The following DTNB variants were observed in gnomAD, a reference collection of about 807,000 sequenced individuals.
DTNB encodes the protein dystrobrevin beta.
In DTNB, 63 loss-of-function variants were observed where a neutral mutation model predicts 90.7. That is an observed-to-expected ratio of 0.69 (90% confidence interval 0.57 to 0.86). The LOEUF is 0.86. Among genes scored for constraint, DTNB ranks in the 40% least tolerant of loss-of-function variants. DTNB has a pLI of 0.00. For missense variants in DTNB, 744 were observed against 807.1 expected (o/e 0.92, Z 0.95); for synonymous variants, 277 against 286.7 (o/e 0.97, Z 0.34).
chr2:25,501,876 G>C (rs1049379079), intron 9 of DTNB, among the ~76,000 whole-genome samples: 1 of 151,312 alleles, frequency 6.6e-6, no homozygotes, highest in Non-Finnish European at 1.5e-5. Flanking sequence ...TAAAACTTCA[G>C]ATTTATTAAA....
At chr2:25,600,148 T>C (rs952964605) in intron 5 of DTNB, among the ~76,000 whole-genome samples, 1 of 152,180 alleles carries the variant, frequency 6.6e-6, no homozygotes, top group African/African-American at 2.4e-5. Flanking sequence ...TAATCGTTCA[T>C]TGAATCTGAA....
At chr2:25,541,561 C>T (rs1339872208) in intron 8 of DTNB, among the ~76,000 whole-genome samples, 10 of 152,104 alleles carry the variant, frequency 6.6e-5, no homozygotes, top group Non-Finnish European at 1.5e-4. Context: ...CACGTATATT[C>T]ATGTTGTTGC....
intron 12 of DTNB, among the ~76,000 whole-genome samples, chr2:25,435,865 A>G (rs2055575711): frequency 6.6e-6 from 1 of 152,204 alleles, no homozygotes; most frequent in African/African-American, 2.4e-5. Flanking sequence ...TTTTTTCCAC[A>G]TCATCCTAAT....
chr2:25,383,944 A>C (rs2038689700), intron 18 of DTNB, 55 bp from the exon 19 acceptor site: 2 of 1,613,322 alleles, frequency 1.2e-6, no homozygotes, highest in East Asian at 4.5e-5. Flanking sequence ...ACAAGTACAG[A>C]AGGAGGGTGA....
Position 25,455,315 on chromosome 2 carries a change from GT to G in DTNB, c.1169+89del, listed in dbSNP as rs1364418911. On this transcript the variant is annotated intron_variant, in intron 11 of 20. Coordinates refer to ENST00000406818, the MANE Select transcript of DTNB (RefSeq NM_021907.5). ...CTGCTCAAGAAAAACCTGACATGCA[GT>G]TTTTTTTCCAGCTGACAACCCCAGG... is the stretch of plus-strand genomic sequence containing the variant. 2.0e-5 allele frequency: 25 copies of G among 1,260,180 alleles called. No homozygotes were observed. In the South Asian group the frequency reaches 2.1e-4, roughly 10 times the overall value. The allele number at this position is 1,260,180 out of a possible 1,614,324, so 78.1% of individuals were successfully genotyped here.
intron 2 of DTNB, among the ~76,000 whole-genome samples, chr2:25,640,248 A>C (rs894674870): frequency 1.3e-5 from 2 of 152,194 alleles, no homozygotes; most frequent in Admixed American, 6.5e-5. Flanking sequence ...TTGGCCCCCA[A>C]TGTGAGATTT....
At chr2:25,585,279 T>C (rs1159860425) in intron 6 of DTNB, among the ~76,000 whole-genome samples, 1 of 152,238 alleles carries the variant, frequency 6.6e-6, no homozygotes, top group Non-Finnish European at 1.5e-5. Context: ...AACGTTCTAT[T>C]AAACATCTTG....
At position 25,382,288 on chromosome 2, in the gene DTNB, C is replaced by T. The variant is rs545981806; in HGVS notation, c.1879+1548G>A. Among the ~76,000 whole-genome samples the T allele has an allele frequency of 2.4e-3, 358 of 151,770 alleles. 1 individual carries two copies. The highest frequency in any genetic ancestry group is 2.4e-3 in the Non-Finnish European group (165 of 67,818). On this transcript the variant is annotated intron_variant, in intron 19 of 20. Transcript: ENST00000406818. Reference sequence around the variant, plus strand: ...TTCCTTTGATTTGTTCATTTATTGACCTCCTACTAAGCACCAGGCACTGGA... The same window carrying T: ...TTCCTTTGATTTGTTCATTTATTGATCTCCTACTAAGCACCAGGCACTGGA...
rs571361362 is a variant in DTNB, at chr2:25,628,032, A to G, written c.362+139T>C. ...ACTACAGCTGTGAGCTACCGTGCCCAGCCAATAATTTCCCTTTTAATCATG... is the reference window on the plus strand; with the variant it reads ...ACTACAGCTGTGAGCTACCGTGCCCGGCCAATAATTTCCCTTTTAATCATG... On this transcript the variant is annotated intron_variant, in intron 4 of 20. Coordinates refer to ENST00000406818, the MANE Select transcript of DTNB (RefSeq NM_021907.5). 1,636 of 918,718 alleles carry G rather than the reference A, an allele frequency of 1.8e-3. 4 individuals carry two copies. The highest frequency in any genetic ancestry group is 2.4e-3 in the Non-Finnish European group (1,452 of 607,416). 56.9% of individuals were successfully genotyped at this position (918,718 alleles called of 1,614,324 possible).
intron 10 of DTNB, among the ~76,000 whole-genome samples, chr2:25,472,951 CAT>C (rs1296645773): frequency 1.3e-5 from 2 of 152,210 alleles, no homozygotes; most frequent in Non-Finnish European, 1.5e-5. Flanking sequence ...TCGACAGACA[CAT>C]GTGGCTAGTT....
At chr2:25,570,190 C>T (rs369546511) in intron 8 of DTNB, among the ~76,000 whole-genome samples, 23 of 151,246 alleles carry the variant, frequency 1.5e-4, no homozygotes, top group East Asian at 7.8e-4. Context: ...GTGGGCAGAT[C>T]ACTTGTGCTC....
At chr2:25,637,471 C>CTAA (rs2077360556) in intron 3 of DTNB, among the ~76,000 whole-genome samples, 1 of 152,130 alleles carries the variant, frequency 6.6e-6, no homozygotes, top group Admixed American at 6.5e-5. Flanking sequence ...TGACAAAGGG[C>CTAA]TAATATCCAG....
intron 8 of DTNB, among the ~76,000 whole-genome samples, chr2:25,575,377 G>GT (rs1201073731): frequency 6.6e-6 from 1 of 151,932 alleles, no homozygotes; most frequent in Non-Finnish European, 1.5e-5. Context: ...AAACTACTGT[G>GT]TTTTTTTCCT....
chr2:25,487,553 G>A (rs949372809), intron 9 of DTNB, among the ~76,000 whole-genome samples: 1 of 152,156 alleles, frequency 6.6e-6, no homozygotes, highest in Non-Finnish European at 1.5e-5. Flanking sequence ...AGAGACAACT[G>A]ACAGACCAAG....
chr2:25,381,208 CGTGT>C (rs141187034), intron 19 of DTNB, among the ~76,000 whole-genome samples: 5,036 of 152,098 alleles, frequency 0.033, 112 homozygotes, highest in South Asian at 0.081. Flanking sequence ...TGTGCGTGTG[CGTGT>C]GTGTGCGCGT....
intron 5 of DTNB, among the ~76,000 whole-genome samples, chr2:25,604,834 C>A (rs565796251): frequency 1.3e-5 from 2 of 152,300 alleles, no homozygotes; most frequent in Admixed American, 1.3e-4. Flanking sequence ...AGGTGATCCA[C>A]CCCAACCTCC....
chr2:25,561,798 G>A (rs1559036340), intron 8 of DTNB, among the ~76,000 whole-genome samples: 3 of 152,086 alleles, frequency 2.0e-5, no homozygotes, highest in East Asian at 3.9e-4. Context: ...AGCAGACATT[G>A]GTGCCATGCT....
intron 8 of DTNB, among the ~76,000 whole-genome samples, chr2:25,538,460 T>C (rs1479708534): frequency 6.6e-6 from 1 of 152,150 alleles, no homozygotes; most frequent in Non-Finnish European, 1.5e-5. Flanking sequence ...TGTACAGTTT[T>C]CTTTTTTTTA....
intron 9 of DTNB, among the ~76,000 whole-genome samples, chr2:25,513,751 CAA>C (rs766882625): frequency 8.4e-5 from 9 of 106,902 alleles, no homozygotes; most frequent in Non-Finnish European, 1.2e-4. Context: ...ACAAAACAAC[CAA>C]AAAAAAAAAA....
Sources: allele counts gnomAD v4.1 joint callset (sites outside exome capture counted in the v4.1 genomes callset), GRCh38; gene constraint gnomAD v4.1.1; transcripts MANE v1.5; gene names NCBI Gene and HGNC (gene_info 2026-07-23, HGNC 2026-07-21).